Variants in TANGO2 observed in about 807,000 individuals in gnomAD.
TANGO2 encodes transport and Golgi organization protein 2 homolog.
Under a neutral mutation model 39.1 loss-of-function variants are expected in TANGO2, and 26 were observed. The observed-to-expected ratio is 0.67, with a 90% CI of 0.49 to 0.92. The LOEUF (loss-of-function observed/expected upper bound fraction) is 0.92. Among genes scored for constraint, TANGO2 ranks in the 40% least tolerant of loss-of-function variants. The pLI, the probability that TANGO2 is intolerant of heterozygous loss-of-function variation, is 0.00. For synonymous variants in TANGO2, 131 were observed against 144.5 expected (o/e 0.91, Z 0.67); for missense variants, 326 against 360.1 (o/e 0.91, Z 0.77).
At chr22:20,047,232 G>GTTT (rs113268323) in intron 3 of TANGO2, among the ~76,000 whole-genome samples, 1 of 132,346 alleles carries the variant, frequency 7.6e-6, no homozygotes, top group Non-Finnish European at 1.6e-5. Flanking sequence ...TGGTTTGTTT[G>GTTT]TTTTTTTTTT....
At chr22:20,049,655 T>C (rs529501471) in intron 3 of TANGO2, among the ~76,000 whole-genome samples, 98 of 142,072 alleles carry the variant, frequency 6.9e-4, no homozygotes, top group Non-Finnish European at 1.4e-3. Flanking sequence ...AGCGAAACTC[T>C]GTCTCAAAAA....
In TANGO2 at chr22:20,064,735, C is replaced by A; in HGVS notation, c.*73C>A. The A allele has an allele frequency of 1.3e-6, 2 of 1,581,670 alleles. No homozygotes were observed. The highest frequency in any genetic ancestry group is 1.7e-6 in the Non-Finnish European group (2 of 1,162,018). Reference sequence around the variant, plus strand: ...AGGGGCACTGTGGACAGGAAACCTTCCTTTGCCATACTGCATTGCACTGCC... The same window carrying A: ...AGGGGCACTGTGGACAGGAAACCTTACTTTGCCATACTGCATTGCACTGCC... On this transcript the variant is annotated 3_prime_UTR_variant, in exon 9 of 9. Transcript: ENST00000327374.
intron 2 of TANGO2, chr22:20,037,121 A>G: frequency 6.6e-7 from 1 of 1,509,910 alleles, no homozygotes; most frequent in Non-Finnish European, 8.8e-7. Flanking sequence ...ACATGGGTCC[A>G]GGTGGGCTGC....
Position 20,039,027 on chromosome 22 carries a change from A to G in TANGO2, c.56+2173A>G, listed in dbSNP as rs535859568. Among the ~76,000 whole-genome samples, 111 of 151,668 alleles carry G rather than the reference A, an allele frequency of 7.3e-4. 1 individual carries two copies. Among genetic ancestry groups the G allele is most frequent in the Admixed American group, 2.2e-3 (33 of 15,234 alleles). ...ATGATCATAGCTTACTGCAGCCTCA[A>G]ACTCGCCGGCTCAAGCGATCCTCCC... On this transcript the variant is annotated intron_variant, in intron 2 of 8. Transcript: ENST00000327374.
intron 4 of TANGO2, among the ~76,000 whole-genome samples, chr22:20,052,864 G>GGT (rs2046642926): frequency 6.6e-6 from 1 of 152,186 alleles, no homozygotes; most frequent in Non-Finnish European, 1.5e-5. Flanking sequence ...CCCCGTGGCA[G>GGT]GTGGGTGGCT....
intron 1 of TANGO2, among the ~76,000 whole-genome samples, chr22:20,033,505 G>A (rs2146983085): frequency 6.6e-6 from 1 of 152,352 alleles, no homozygotes; most frequent in South Asian, 2.1e-4. Context: ...GCCCAGGGAG[G>A]GCTGAGGTCG....
At chr22:20,063,217 AC>A in intron 7 of TANGO2, 120 bp from the exon 8 acceptor site, 2 of 700,436 alleles carry the variant, frequency 2.9e-6, no homozygotes, top group South Asian at 1.8e-5. Flanking sequence ...AAAAGAAACA[AC>A]CCTTGCAGTT....
chr22:20,062,987 T>G (rs771390121), intron 7 of TANGO2: 20 of 237,644 alleles, frequency 8.4e-5, no homozygotes, highest in Non-Finnish European at 1.5e-4. Context: ...GGCTGGGTGG[T>G]GCACGCCTGT....
At chr22:20,019,299 G>A (rs1479346709), upstream of TANGO2, 1 of 152,180 alleles carries the variant, frequency 6.6e-6, no homozygotes, top group Non-Finnish European at 1.5e-5. Context: ...GGCCACAGAA[G>A]GTAGTGAGCT....
At chr22:20,063,292 C>T (rs200293883) in intron 7 of TANGO2, 46 bp from the exon 8 acceptor site, 5 of 1,572,658 alleles carry the variant, frequency 3.2e-6, no homozygotes, top group East Asian at 4.5e-5. Flanking sequence ...CGGCTGCGGG[C>T]GGGCCACAGA....
intron 2 of TANGO2, chr22:20,037,242 G>A: frequency 1.0e-6 from 1 of 953,476 alleles, no homozygotes; most frequent in Non-Finnish European, 1.5e-6. Flanking sequence ...AGTCAAAGTG[G>A]CGGCCAGGCT....
At chr22:20,041,319 T>G (rs879652436) in intron 2 of TANGO2, among the ~76,000 whole-genome samples, 8 of 137,984 alleles carry the variant, frequency 5.8e-5, no homozygotes, top group Admixed American at 7.1e-5. Flanking sequence ...CTAATTTTTT[T>G]TTTTTTTTTT....
intron 1 of TANGO2, among the ~76,000 whole-genome samples, chr22:20,030,282 C>G (rs945080108): frequency 1.3e-5 from 2 of 151,864 alleles, no homozygotes; most frequent in African/African-American, 4.8e-5. Flanking sequence ...ATTCTCCTGC[C>G]TCAGCCTCCT....
intron 2 of TANGO2, among the ~76,000 whole-genome samples, chr22:20,042,376 C>T (rs997104545): frequency 1.3e-5 from 2 of 152,188 alleles, no homozygotes; most frequent in Non-Finnish European, 2.9e-5. Flanking sequence ...TATTTGTTTT[C>T]TTCTAATGTC....
At chr22:20,029,574 T>C (rs562074616) in intron 1 of TANGO2, among the ~76,000 whole-genome samples, 39 of 152,268 alleles carry the variant, frequency 2.6e-4, no homozygotes, top group African/African-American at 8.2e-4. Flanking sequence ...TCATATCTCA[T>C]AGATCCTCTG....
upstream of TANGO2, among the ~76,000 whole-genome samples, chr22:20,017,640 C>G (rs1432697501): frequency 6.6e-6 from 1 of 152,218 alleles, no homozygotes; most frequent in African/African-American, 2.4e-5. Flanking sequence ...TATGCCCGCA[C>G]CCCGTACTAC....
intron 7 of TANGO2, 117 bp from the exon 8 acceptor site, chr22:20,063,220 CT>C: frequency 1.4e-6 from 1 of 719,940 alleles, no homozygotes; most frequent in Non-Finnish European, 2.4e-6. Flanking sequence ...AGAAACAACC[CT>C]TGCAGTTCCC....
At chr22:20,045,111 C>G (rs182470596) in intron 3 of TANGO2, among the ~76,000 whole-genome samples, 2 of 152,060 alleles carry the variant, frequency 1.3e-5, no homozygotes, top group Admixed American at 6.6e-5. Flanking sequence ...GTCCTTGGGC[C>G]TGTAGCACCA....
upstream of TANGO2, among the ~76,000 whole-genome samples, chr22:20,018,137 C>T (rs1465402867): frequency 6.6e-6 from 1 of 152,222 alleles, no homozygotes; most frequent in Non-Finnish European, 1.5e-5. Flanking sequence ...CTGGGACCAC[C>T]GCTGGGTCCA....
Sources: gnomAD v4.1 joint callset for allele counts (sites outside exome capture counted in the v4.1 genomes callset) on GRCh38, gnomAD v4.1.1 for gene constraint, MANE v1.5 for transcripts, NCBI Gene and HGNC (gene_info 2026-07-23, HGNC 2026-07-21) for gene names.